Variants in SETX observed in about 807,000 individuals in gnomAD.
The protein encoded by SETX is senataxin, also known as helicase senataxin.
In SETX, 90 loss-of-function variants were observed where a neutral mutation model predicts 227.2. The observed-to-expected ratio is 0.40, with a 90% CI of 0.33 to 0.47. SETX has a LOEUF of 0.47. Among genes scored for constraint, SETX ranks in the 20% least tolerant of loss-of-function variants. The pLI is 0.91. For missense variants in SETX, 3,052 were observed against 3,181.5 expected (o/e 0.96, Z 0.98); for synonymous variants, 1,210 against 1,113.2 (o/e 1.09, Z -1.73).
chr9:132,324,092 T>C (rs2131410977), intron 10 of SETX, among the ~76,000 whole-genome samples: 1 of 152,272 alleles, frequency 6.6e-6, no homozygotes, highest in South Asian at 2.1e-4. Context: ...TTTAAAAAGC[T>C]GAGACTACAA....
At chr9:132,330,568 G>A (rs1215544147) in intron 9 of SETX, 69 bp from the exon 10 acceptor site, 24 of 1,361,686 alleles carry the variant, frequency 1.8e-5, no homozygotes, top group Admixed American at 9.1e-5. Flanking sequence ...CACCCAAGTC[G>A]TTAAGAAAAA....
chr9:132,331,890 C>T (rs1233726940), intron 7 of SETX, among the ~76,000 whole-genome samples: 1 of 152,066 alleles, frequency 6.6e-6, no homozygotes, highest in African/African-American at 2.4e-5. Context: ...TTGGTATTTA[C>T]AGATCTACAT....
chr9:132,288,687 A>ACACTGCTGATCAATCCTGT, intron 15 of SETX, 36 bp from the exon 16 acceptor site: 1 of 1,328,366 alleles, frequency 7.5e-7, no homozygotes, highest in Non-Finnish European at 1.1e-6. Flanking sequence ...ACTAATAAGG[A>ACACTGCTGATCAATCCTGT]CACTGCTGAT....
Position 132,349,283 on chromosome 9 carries a change from T to C in SETX, c.146A>G (p.Lys49Arg), listed in dbSNP as rs142551293. 13 of 1,614,050 alleles carry C rather than the reference T, an allele frequency of 8.1e-6. No individual in the cohort carries two copies. In the African/African-American group the frequency reaches 1.1e-4, roughly 13 times the overall value. The change falls in exon 3 of 26, where the codon AAA (lysine) becomes AGA (arginine). Residue 49 changes from lysine to arginine, a missense_variant. By Grantham distance (26) the Lys-to-Arg change is conservative. Coordinates refer to ENST00000224140, the MANE Select transcript of SETX (RefSeq NM_015046.7). ...CAAGAATGGCAATTCATCTCTTGCT[T>C]TGTGGTACTCAGCCACACACTCCAA... is the stretch of plus-strand genomic sequence containing the variant. Reference protein sequence around the residue: ...YCLECVAEYHKARDELPFLHE... With the variant: ...YCLECVAEYHRARDELPFLHE...
In SETX at chr9:132,264,283, G is replaced by A. The variant is rs200826214; in HGVS notation, c.7990C>T (p.Leu2664=). 165 of 1,614,156 alleles carry A rather than the reference G, an allele frequency of 1.0e-4. No homozygotes were observed. The highest frequency in any genetic ancestry group is 4.3e-4 in the Admixed American group (26 of 60,022). ...TTGGAACTGCTGTCCTCCTGCTCCA[G>A]TGTCCTCTTGTCCCACCTAGAGTTC... ...RRNSRWDKRT[L]EQEDSSSKKR... Residue 2664 remains leucine, a synonymous_variant, in exon 26 of 26, where the codon CTG becomes TTG. Coordinates refer to ENST00000224140, the MANE Select transcript of SETX (RefSeq NM_015046.7).
Position 132,281,531 on chromosome 9 carries a change from T to C in SETX, c.6590A>G (p.His2197Arg), listed in dbSNP as rs1184671129. Reference sequence around the variant, plus strand: ...TACTAGGATGAGCTTATTGCAGCGATGGATGAGTGGAGTAAGAGTCTCAAT... The same window carrying C: ...TACTAGGATGAGCTTATTGCAGCGACGGATGAGTGGAGTAAGAGTCTCAAT... ...CEIETLTPLI[H>R]RCNKLILVGD... The change falls in exon 20 of 26, where the codon CAT (histidine) becomes CGT (arginine). Residue 2197 changes from histidine (H) to arginine (R), a missense_variant. His to Arg is a conservative substitution (Grantham distance 29, BLOSUM62 0). Transcript: ENST00000224140. The C allele has an allele frequency of 6.8e-6, 11 of 1,614,074 alleles. No individual in the cohort carries two copies. Among genetic ancestry groups the C allele is most frequent in the Non-Finnish European group, 9.3e-6 (11 of 1,179,956 alleles).
chr9:132,294,828 G>A (rs994626887), intron 15 of SETX, among the ~76,000 whole-genome samples: 1 of 152,164 alleles, frequency 6.6e-6, no homozygotes, highest in Non-Finnish European at 1.5e-5. Context: ...GGTCTCCAAG[G>A]ACTCTCTAAG....
chr9:132,269,439 GA>G, intron 25 of SETX, 175 bp downstream of exon 25: 5 of 1,576,294 alleles, frequency 3.2e-6, no homozygotes, highest in Middle Eastern at 1.7e-4. Context: ...GTTCTGGGCT[GA>G]AAAAAGGCGA....
At position 132,262,462 on chromosome 9, in the gene SETX, A is replaced by T. The variant is rs1203087697; in HGVS notation, c.*1777T>A. The T allele has an allele frequency of 1.3e-5, 2 of 152,234 alleles. No individual in the cohort carries two copies. Among genetic ancestry groups the T allele is most frequent in the African/African-American group, 4.8e-5 (2 of 41,432 alleles). The allele number at this position is 152,234 out of a possible 1,614,324, so 9.4% of individuals were successfully genotyped here. On this transcript the variant is annotated 3_prime_UTR_variant, in exon 26 of 26. Transcript: ENST00000224140. ...GAGATTTCTTCCCAAAGGCACATGG[A>T]AGAAGCTGATAGAGCCCTTGACCCA...
At chr9:132,307,942 G>A (rs1430957692) in intron 11 of SETX, among the ~76,000 whole-genome samples, 1 of 152,156 alleles carries the variant, frequency 6.6e-6, no homozygotes, top group Non-Finnish European at 1.5e-5. Context: ...CTCCCAAAGT[G>A]CTGGGATTAC....
intron 24 of SETX, among the ~76,000 whole-genome samples, chr9:132,270,316 A>G (rs925373588): frequency 6.1e-5 from 9 of 148,032 alleles, no homozygotes; most frequent in African/African-American, 1.0e-4. Context: ...AGAATGACTC[A>G]GCGTGCCCGT....
At chr9:132,330,954 T>G in intron 9 of SETX, 98 bp downstream of exon 9, 1 of 929,370 alleles carries the variant, frequency 1.1e-6, no homozygotes, top group Non-Finnish European at 1.8e-6. Context: ...TGAGAACAGC[T>G]ACATATCACA....
In SETX at chr9:132,327,636, T is replaced by C; in HGVS notation, c.3962A>G (p.Asp1321Gly). ...AATTAATTTAGTCTTTTTTCGGGTATCAACTACTCCAACAGTTTTGCCATG... is the reference window on the plus strand; with the variant it reads ...AATTAATTTAGTCTTTTTTCGGGTACCAACTACTCCAACAGTTTTGCCATG... ...RDHGKTVGVV[D>G]TRKKTKLISP... is the part of the protein sequence containing the mutation. The change falls in exon 10 of 26, where the codon GAT (aspartate) becomes GGT (glycine). Residue 1321 changes from aspartate to glycine, a missense_variant. Asp to Gly is a moderately conservative substitution (Grantham distance 94). Transcript: ENST00000224140. 6.2e-7 allele frequency: 1 copy of C among 1,613,978 alleles called. No individual in the cohort carries two copies. The highest frequency in any genetic ancestry group is 8.5e-7 in the Non-Finnish European group (1 of 1,179,980).
intron 5 of SETX, among the ~76,000 whole-genome samples, chr9:132,341,619 G>A (rs903419926): frequency 4.6e-5 from 7 of 152,196 alleles, no homozygotes; most frequent in African/African-American, 1.2e-4. Flanking sequence ...CCCAGGCACT[G>A]GTTACAAGAC....
chr9:132,336,580 GAAAAGAAAACAGGAT>G, intron 5 of SETX, 65 bp from the exon 6 acceptor site: 1 of 1,134,542 alleles, frequency 8.8e-7, no homozygotes, highest in African/African-American at 1.5e-5. Flanking sequence ...CAAGAACACA[GAAAAGAAAACAGGAT>G]TCTCTGCATA....
At position 132,263,795 on chromosome 9, in the gene SETX, G is replaced by A. The variant is rs968789204; in HGVS notation, c.*444C>T. On this transcript the variant is annotated 3_prime_UTR_variant, in exon 26 of 26. Transcript: ENST00000224140. ...GCTCTAACAATGGTTGAAAGGACCC[G>A]CCCTCCTCCCATCTTTTTTTTTTTG... 5.5e-6 allele frequency: 1 copy of A among 183,132 alleles called. No homozygotes were observed. Among genetic ancestry groups the A allele is most frequent in the Non-Finnish European group, 1.1e-5 (1 of 88,288 alleles). 11.3% of individuals were successfully genotyped at this position (183,132 alleles called of 1,614,324 possible).
At chr9:132,326,083 T>C (rs1197139960) in intron 10 of SETX, among the ~76,000 whole-genome samples, 1 of 152,114 alleles carries the variant, frequency 6.6e-6, no homozygotes, top group African/African-American at 2.4e-5. Context: ...TGTTTTTTCT[T>C]TTGAGACAGA....
intron 17 of SETX, among the ~76,000 whole-genome samples, chr9:132,286,882 C>T (rs933930087): frequency 6.6e-6 from 1 of 152,188 alleles, no homozygotes; most frequent in South Asian, 2.1e-4. Context: ...GCTTGCTCAC[C>T]CAGGGACTAA....
chr9:132,285,450 G>A lies in SETX; in HGVS notation c.6396+973C>T, dbSNP rs142504548. Among the ~76,000 whole-genome samples, 713 of 152,190 alleles carry A rather than the reference G, an allele frequency of 4.7e-3. 4 individuals carry two copies. The highest frequency in any genetic ancestry group is 0.016 in the African/African-American group (682 of 41,542). On this transcript the variant is annotated intron_variant, in intron 18 of 25. Transcript: ENST00000224140. ...TCATAACAATTTAAAATGTAACTGA[G>A]AAAAGCCCATAGCTGGCCAGGCATG... is the stretch of plus-strand genomic sequence containing the variant.
Sources: allele counts gnomAD v4.1 joint callset (sites outside exome capture counted in the v4.1 genomes callset), GRCh38; gene constraint gnomAD v4.1.1; transcripts MANE v1.5; gene names NCBI Gene and HGNC (gene_info 2026-07-23, HGNC 2026-07-21).